SLC8A3: variants seen among roughly 807,000 people sequenced by gnomAD.
SLC8A3 encodes the protein sodium/calcium exchanger 3.
SLC8A3 carries 37 observed loss-of-function variants against 65.4 expected under a neutral mutation model. That is an observed-to-expected ratio of 0.57 (90% CI 0.44 to 0.74). The LOEUF is 0.74. Among genes scored for constraint, SLC8A3 ranks in the 30% least tolerant of loss-of-function variants. The pLI, the probability that SLC8A3 is intolerant of heterozygous loss-of-function variation, is 0.00. For synonymous variants in SLC8A3, 461 were observed against 444.5 expected, an observed-to-expected ratio of 1.04 and a Z score of -0.47; for missense variants, 1,112 against 1,172.1, an observed-to-expected ratio of 0.95 and a Z score of 0.75.
intron 1 of SLC8A3, among the ~76,000 whole-genome samples, chr14:70,178,156 A>T (rs1024134642): frequency 1.3e-5 from 2 of 152,258 alleles, no homozygotes; most frequent in African/African-American, 2.4e-5. Flanking sequence ...CCAGGCCCCA[A>T]GAAATGAAAG....
At chr14:70,119,121 G>A (rs1216339869) in intron 2 of SLC8A3, among the ~76,000 whole-genome samples, 2 of 152,018 alleles carry the variant, frequency 1.3e-5, no homozygotes, top group East Asian at 1.9e-4. Flanking sequence ...GGGATTGGGG[G>A]AATGGTGTGT....
intron 2 of SLC8A3, among the ~76,000 whole-genome samples, chr14:70,068,061 T>A (rs916227696): frequency 2.6e-5 from 4 of 152,168 alleles, no homozygotes; most frequent in Non-Finnish European, 4.4e-5. Flanking sequence ...TCCCAGGAGA[T>A]CTTCTATCAA....
intron 2 of SLC8A3, among the ~76,000 whole-genome samples, chr14:70,104,663 T>C (rs1424945517): frequency 6.6e-6 from 1 of 152,168 alleles, no homozygotes; most frequent in Non-Finnish European, 1.5e-5. Flanking sequence ...TCTGTGAAAG[T>C]CTTCGAATAT....
chr14:70,077,910 A>G (rs949976681), intron 2 of SLC8A3, among the ~76,000 whole-genome samples: 2 of 152,206 alleles, frequency 1.3e-5, no homozygotes, highest in Admixed American at 1.3e-4. Context: ...CTCTGTTCAG[A>G]GGCAGATGGC....
chr14:70,081,454 GCTCAT>G, intron 2 of SLC8A3, among the ~76,000 whole-genome samples: 1 of 152,324 alleles, frequency 6.6e-6, no homozygotes, highest in Middle Eastern at 3.4e-3. Flanking sequence ...GATTCCTCGA[GCTCAT>G]TTTTAGCAGC....
chr14:70,065,548 G>C (rs1889329161), intron 2 of SLC8A3, among the ~76,000 whole-genome samples: 2 of 152,166 alleles, frequency 1.3e-5, no homozygotes, highest in African/African-American at 4.8e-5. Context: ...CTCACTAGCT[G>C]GGTGACCTTG....
intron 2 of SLC8A3, among the ~76,000 whole-genome samples, chr14:70,096,164 G>A (rs1020166389): frequency 2.0e-5 from 3 of 152,246 alleles, no homozygotes; most frequent in Non-Finnish European, 1.5e-5. Context: ...TTACAGGTGT[G>A]AGCCACTGTG....
At position 70,167,219 on chromosome 14, in the gene SLC8A3, G is replaced by A. The variant is rs376525495; in HGVS notation, c.1204C>T (p.Pro402Ser). ...EDFISKVFFD[P>S]CSYQCLENCG... The stretch of plus-strand genomic sequence containing the variant: ...TTCTCCAGGCACTGGTAAGAACATG[G>A]GTCAAAGAAGACCTTGGAAATAAAG... The change falls in exon 2 of 7, where the codon CCA becomes TCA. Residue 402 changes from proline to serine, a missense_variant. Pro to Ser is a moderately conservative substitution (Grantham distance 74). Transcript: ENST00000356921. The A allele has an allele frequency of 2.5e-5, 41 of 1,614,010 alleles. No individual in the cohort carries two copies. The highest frequency in any genetic ancestry group is 3.4e-5 in the Non-Finnish European group (40 of 1,180,026).
chr14:70,175,116 A>G (rs1181186123), intron 1 of SLC8A3, among the ~76,000 whole-genome samples: 1 of 152,184 alleles, frequency 6.6e-6, no homozygotes, highest in African/African-American at 2.4e-5. Context: ...AAGAAGAGAA[A>G]AGAAAGCTTC....
At chr14:70,151,422 A>G (rs957038647) in intron 2 of SLC8A3, among the ~76,000 whole-genome samples, 7 of 152,230 alleles carry the variant, frequency 4.6e-5, no homozygotes, top group Admixed American at 4.6e-4. Context: ...ACTTGCAAAC[A>G]GGAATTCAAA....
At position 70,164,337 on chromosome 14, in the gene SLC8A3, TA is replaced by T. The variant is rs545976473; in HGVS notation, c.1784+2301del. On this transcript the variant is annotated intron_variant, in intron 2 of 6. Transcript: ENST00000356921. ...AAATTGCAATTTAAAATATCAAGAA[TA>T]GGGGTGCCACGTGAGAACAGATGAG... 1.2e-4 allele frequency among the ~76,000 whole-genome samples: 19 copies of T among 152,230 alleles called. No homozygotes were observed. In the South Asian group the frequency reaches 2.9e-3, roughly 23 times the overall value.
rs115646890 is a variant in SLC8A3 at position 70,078,266 on chromosome 14, G to A, written c.1785-17327C>T. On this transcript the variant is annotated intron_variant, in intron 2 of 6. Coordinates refer to ENST00000356921, the MANE Select transcript of SLC8A3 (RefSeq NM_182932.3). Reference sequence around the variant, plus strand: ...ATCTGCCTGGAGGGCCTTTAATCAAGGATTTCAAAACACTTTCCCAGATCT... The same window carrying A: ...ATCTGCCTGGAGGGCCTTTAATCAAAGATTTCAAAACACTTTCCCAGATCT... Among the ~76,000 whole-genome samples, 623 of 152,274 alleles carry A rather than the reference G, an allele frequency of 4.1e-3. 4 individuals are homozygous for A. The highest frequency in any genetic ancestry group is 0.014 in the African/African-American group (578 of 41,548).
chr14:70,055,026 A>G (rs1415885895), intron 3 of SLC8A3, among the ~76,000 whole-genome samples: 2 of 152,138 alleles, frequency 1.3e-5, no homozygotes, highest in Non-Finnish European at 2.9e-5. Flanking sequence ...AAATGCTTTC[A>G]TATCTGCTCA....
chr14:70,048,874 A>C lies in SLC8A3; in HGVS notation c.2282T>G (p.Met761Arg). The C allele has an allele frequency of 6.2e-7, 1 of 1,614,192 alleles. No homozygotes were observed. The highest frequency in any genetic ancestry group is 8.5e-7 in the Non-Finnish European group (1 of 1,180,032). Residue 761 changes from methionine (M) to arginine (R), a missense_variant, in exon 6 of 7, where the codon ATG (methionine) becomes AGG (arginine). Coordinates refer to ENST00000356921, the MANE Select transcript of SLC8A3 (RefSeq NM_182932.3). ...CFAVSILIIG[M>R]LTAIIGDLAS... ...CAGGTCCCCAATGATGGCGGTGAGC[A>C]TGCCAATGATGAGGATGGAGACGGC...
At chr14:70,140,066 A>G (rs1895466073) in intron 2 of SLC8A3, among the ~76,000 whole-genome samples, 1 of 152,174 alleles carries the variant, frequency 6.6e-6, no homozygotes, top group Non-Finnish European at 1.5e-5. Flanking sequence ...TTTTATCATC[A>G]TTTTGCACCT....
chr14:70,174,060 T>G (rs1393042835), intron 1 of SLC8A3, among the ~76,000 whole-genome samples: 4 of 152,234 alleles, frequency 2.6e-5, no homozygotes, highest in Admixed American at 2.6e-4. Context: ...GGTTAGGGAA[T>G]TTGCCTAAGA....
chr14:70,127,922 T>C (rs1270832036), intron 2 of SLC8A3, among the ~76,000 whole-genome samples: 1 of 152,194 alleles, frequency 6.6e-6, no homozygotes, highest in Non-Finnish European at 1.5e-5. Flanking sequence ...CTGTTTACCT[T>C]ATAAACTGTG....
intron 2 of SLC8A3, among the ~76,000 whole-genome samples, chr14:70,135,110 A>G (rs537272591): frequency 1.3e-5 from 2 of 152,224 alleles, no homozygotes; most frequent in African/African-American, 4.8e-5. Context: ...AAAAGAAGAC[A>G]TATAAATGGC....
At position 70,046,400 on chromosome 14, in the gene SLC8A3, A is replaced by G. The variant is rs912607802; in HGVS notation, c.2390-77T>C. 2.8e-5 allele frequency: 41 copies of G among 1,444,230 alleles called. No individual in the cohort carries two copies. In the Middle Eastern group the frequency reaches 7.4e-4, roughly 26 times the overall value. 89.5% of individuals were successfully genotyped at this position (1,444,230 alleles called of 1,614,324 possible). A position where few individuals can be genotyped will look rare whatever the true frequency, so the allele number is the denominator to read the frequency against. On this transcript the variant is annotated intron_variant, in intron 6 of 6. Transcript: ENST00000356921. The surrounding 1 kb of genome is among the most constrained non-coding windows in gnomAD (Gnocchi z 4.2). ...GGCTTGTCTTCCAGTATGCCCAAAA[A>G]GCAGCTTGAGCTGGTGGGCTGAACC... is the stretch of plus-strand genomic sequence containing the variant.
Sources: allele counts gnomAD v4.1 joint callset (sites outside exome capture counted in the v4.1 genomes callset), GRCh38; gene constraint gnomAD v4.1.1; non-coding constraint Gnocchi (gnomAD v3.1); transcripts MANE v1.5; gene names NCBI Gene and HGNC (gene_info 2026-07-23, HGNC 2026-07-21).